Variants in ZFHX3 observed in about 807,000 individuals in gnomAD.
The protein encoded by ZFHX3 is zinc finger homeobox protein 3.
Under a neutral mutation model 279.1 loss-of-function variants are expected in ZFHX3, and 42 were observed. The ratio of observed to expected loss-of-function variants is 0.15; its 90% CI spans 0.12 to 0.19. The LOEUF is 0.19. Among genes scored for constraint, ZFHX3 ranks in the 10% least tolerant of loss-of-function variants. ZFHX3 has a pLI of 1.00. For synonymous variants in ZFHX3, 2,293 were observed against 1,957.8 expected, an observed-to-expected ratio of 1.17 and a Z score of -4.52; for missense variants, 4,981 against 4,754.0, an observed-to-expected ratio of 1.05 and a Z score of -1.40.
At chr16:72,888,074 A>T (rs1302372260) in intron 4 of ZFHX3, among the ~76,000 whole-genome samples, 2 of 152,206 alleles carry the variant, frequency 1.3e-5, no homozygotes, top group Non-Finnish European at 2.9e-5. Context: ...TCGTAGAAGT[A>T]TGAGAAGAAA....
chr16:73,714,159 C>A (rs1428126148), intron 1 of ZFHX3, among the ~76,000 whole-genome samples: 1 of 152,128 alleles, frequency 6.6e-6, no homozygotes, highest in Non-Finnish European at 1.5e-5. Context: ...GCTTGGGTGA[C>A]CCACATCAGT....
chr16:73,570,661 AT>A (rs903836460), intron 2 of ZFHX3, among the ~76,000 whole-genome samples: 1 of 152,288 alleles, frequency 6.6e-6, no homozygotes, highest in African/African-American at 2.4e-5. Context: ...AAAGAAAAAA[AT>A]CTAGTTTATT....
Position 72,894,967 on chromosome 16 carries a change from A to G in ZFHX3, c.3217-5005T>C, listed in dbSNP as rs139385156. Reference sequence around the variant, plus strand: ...CTCTCCTTTGTTGGGTCAGGAGTGTAATTTTAAAAAGAAAACAAAACAACA... The same window carrying G: ...CTCTCCTTTGTTGGGTCAGGAGTGTGATTTTAAAAAGAAAACAAAACAACA... On this transcript the variant is annotated intron_variant, in intron 3 of 9. Transcript: ENST00000268489. 4.0e-3 allele frequency among the ~76,000 whole-genome samples: 613 copies of G among 152,298 alleles called. 4 individuals are homozygous for G. The highest frequency in any genetic ancestry group is 0.013 in the African/African-American group (557 of 41,558).
intron 7 of ZFHX3, among the ~76,000 whole-genome samples, chr16:73,121,794 T>C (rs1326583879): frequency 6.6e-6 from 1 of 151,982 alleles, no homozygotes; most frequent in East Asian, 1.9e-4. Context: ...TTTTTGTATT[T>C]TTAGTAGAGA....
intron 1 of ZFHX3, among the ~76,000 whole-genome samples, chr16:73,694,773 A>G (rs2053180695): frequency 6.6e-6 from 1 of 152,234 alleles, no homozygotes; most frequent in Non-Finnish European, 1.5e-5. Flanking sequence ...CTCAATGGCC[A>G]TGGGCCTGCT....
At chr16:72,879,301 T>C (rs957436741) in intron 4 of ZFHX3, among the ~76,000 whole-genome samples, 1 of 152,172 alleles carries the variant, frequency 6.6e-6, no homozygotes, top group Non-Finnish European at 1.5e-5. Context: ...TATACCCTAA[T>C]GGGTCATAGA....
chr16:73,535,171 G>A (rs1340280972), intron 2 of ZFHX3, among the ~76,000 whole-genome samples: 1 of 152,130 alleles, frequency 6.6e-6, no homozygotes, highest in African/African-American at 2.4e-5. Context: ...ACAATAAGTA[G>A]CACCCCATAA....
chr16:72,941,305 G>A (rs1596989199), intron 3 of ZFHX3, among the ~76,000 whole-genome samples: 1 of 152,192 alleles, frequency 6.6e-6, no homozygotes. Flanking sequence ...ACAAAAACTG[G>A]ATATCATCAT....
intron 4 of ZFHX3, among the ~76,000 whole-genome samples, chr16:73,312,045 G>A (rs1310263253): frequency 6.6e-6 from 1 of 152,210 alleles, no homozygotes; most frequent in Admixed American, 6.5e-5. Context: ...ACTGCTGAAT[G>A]CAGTGGTGTG....
At chr16:73,487,520 C>T (rs1367442470) in intron 2 of ZFHX3, 1 of 380,460 alleles carries the variant, frequency 2.6e-6, no homozygotes, top group African/African-American at 2.1e-5. Context: ...CCCACCTCAG[C>T]CTTCTGAGTA....
intron 3 of ZFHX3, among the ~76,000 whole-genome samples, chr16:72,903,820 T>C (rs1205789451): frequency 1.3e-5 from 2 of 152,116 alleles, no homozygotes; most frequent in East Asian, 1.9e-4. Context: ...AGAAAATAAA[T>C]ATACCGCTAG....
At chr16:73,087,496 A>G (rs1966022878) in intron 8 of ZFHX3, among the ~76,000 whole-genome samples, 1 of 152,234 alleles carries the variant, frequency 6.6e-6, no homozygotes, top group South Asian at 2.1e-4. Context: ...GATATAGCCA[A>G]GATTTTAAAC....
chr16:73,139,169 T>C (rs1966839763), intron 6 of ZFHX3, among the ~76,000 whole-genome samples: 1 of 152,232 alleles, frequency 6.6e-6, no homozygotes, highest in Admixed American at 6.5e-5. Context: ...TGCTCATTAA[T>C]AGGGAATTAG....
intron 3 of ZFHX3, among the ~76,000 whole-genome samples, chr16:73,449,894 T>G (rs1464967918): frequency 6.6e-6 from 1 of 152,050 alleles, no homozygotes; most frequent in African/African-American, 2.4e-5. Context: ...AAAAAAAATG[T>G]TTTCTTCTGA....
rs928610851 is a variant in ZFHX3 at position 73,611,251 on chromosome 16, G to T, written c.-1547+68929C>A. On this transcript the variant is annotated intron_variant, in intron 2 of 17. Coordinates refer to the ZFHX3 transcript ENST00000641206. ...TTCATTCAACAAACCTTTCCTCAAG[G>T]CACTGGGACCATGGATGGGCAAGAC... Among the ~76,000 whole-genome samples, 9 of 152,036 alleles carry T rather than the reference G, an allele frequency of 5.9e-5. No individual in the cohort carries two copies. In the East Asian group the frequency reaches 1.7e-3, roughly 29 times the overall value.
Position 72,957,390 on chromosome 16 carries a change from C to T in ZFHX3, c.2719+37G>A, listed in dbSNP as rs578157472. 1.3e-5 allele frequency: 21 copies of T among 1,558,916 alleles called. No homozygotes were observed. The South Asian group carries it at 2.5e-4, about 18-fold the overall frequency. On this transcript the variant is annotated intron_variant, in intron 2 of 9. Transcript: ENST00000268489. ...TTCACCATTCTCCCTGGTTAAACTC[C>T]TATCATGAAAACAGACAAACACGTA... is the stretch of plus-strand genomic sequence containing the variant.
chr16:72,817,096 G>T (rs982686497), intron 5 of ZFHX3, among the ~76,000 whole-genome samples: 2 of 152,210 alleles, frequency 1.3e-5, no homozygotes, highest in Non-Finnish European at 2.9e-5. Context: ...GCAAAACTTT[G>T]TGTAGGAAGT....
intron 1 of ZFHX3, among the ~76,000 whole-genome samples, chr16:73,053,854 G>A (rs564985469): frequency 1.3e-5 from 2 of 152,286 alleles, no homozygotes; most frequent in South Asian, 4.1e-4. Context: ...GAACGGAAAT[G>A]ACGTCAGCAA....
intron 1 of ZFHX3, among the ~76,000 whole-genome samples, chr16:73,682,978 GAA>G (rs369698441): frequency 2.6e-5 from 1 of 37,856 alleles, no homozygotes; most frequent in African/African-American, 9.7e-5. Flanking sequence ...AAGAAAGAAA[GAA>G]AGAAAGAAAG....
Sources: gnomAD v4.1 joint callset for allele counts (sites outside exome capture counted in the v4.1 genomes callset) on GRCh38, gnomAD v4.1.1 for gene constraint, MANE v1.5 for transcripts, NCBI Gene and HGNC (gene_info 2026-07-23, HGNC 2026-07-21) for gene names.